FAM83F: variants seen among roughly 807,000 people sequenced by gnomAD.
FAM83F encodes the protein protein FAM83F.
A neutral mutation model predicts 42.9 loss-of-function variants in FAM83F; 45 were observed. That is an observed-to-expected ratio of 1.05 (90% CI 0.83 to 1.35). The LOEUF is 1.35. FAM83F is among the 40% of genes most tolerant of loss of function. The probability of loss-of-function intolerance (pLI) is 0.00; values close to 1 mark genes in which losing one functional copy is unlikely to be tolerated. For missense variants in FAM83F, 617 were observed against 695.9 expected (o/e 0.89, Z 1.28); for synonymous variants, 306 against 298.3 (o/e 1.03, Z -0.27).
chr22:40,019,233 C>T lies in FAM83F; in HGVS notation c.555C>T (p.Ala185=), dbSNP rs757630868. The change falls in exon 2 of 5, where the codon GCC becomes GCT. Residue 185 remains alanine, a synonymous_variant. Coordinates refer to ENST00000333407, the MANE Select transcript of FAM83F (RefSeq NM_138435.4). ...TCTTTCAAGACATTGTGGATGCTGC[C>T]TGTAAGCGCCGGGTCCCAGTGTACA... The part of the protein sequence containing the change: ...GDIFQDIVDA[A]CKRRVPVYII... The T allele has an allele frequency of 6.2e-7, 1 of 1,614,204 alleles. No homozygotes were observed. The highest frequency in any genetic ancestry group is 8.5e-7 in the Non-Finnish European group (1 of 1,180,032).
chr22:40,026,289 G>C (rs2067552107), intron 4 of FAM83F, among the ~76,000 whole-genome samples: 1 of 152,168 alleles, frequency 6.6e-6, no homozygotes, highest in Admixed American at 6.5e-5. Flanking sequence ...TGGAGGCCTA[G>C]GTGGGCAGAT....
chr22:40,005,292 C>T (rs1021520699), intron 1 of FAM83F, among the ~76,000 whole-genome samples: 1 of 152,214 alleles, frequency 6.6e-6, no homozygotes, highest in East Asian at 1.9e-4. Context: ...TCCTAAAAAT[C>T]GCTTGTGTAT....
chr22:40,028,750 A>G (rs1203010906), intron 4 of FAM83F, among the ~76,000 whole-genome samples: 1 of 152,160 alleles, frequency 6.6e-6, no homozygotes, highest in African/African-American at 2.4e-5. Flanking sequence ...TTCCCTCCCT[A>G]CAGGCAGCGC....
In FAM83F at chr22:40,040,740, A is replaced by G. The variant is rs979835196; in HGVS notation, c.*11175A>G. The G allele has an allele frequency of 1.3e-5, 2 of 152,210 alleles. No homozygotes were observed. The highest frequency in any genetic ancestry group is 2.9e-5 in the Non-Finnish European group (2 of 68,050). The allele number at this position is 152,210 out of a possible 1,614,324, so 9.4% of individuals were successfully genotyped here. ...TTGGTCTTTGGCAATGGCTACACCC[A>G]CTGCCCAAGCAAGCAGTATCAGCTG... On this transcript the variant is annotated 3_prime_UTR_variant, in exon 5 of 5. Transcript: ENST00000333407.
At chr22:40,015,905 CCT>C (rs2067490042) in intron 1 of FAM83F, among the ~76,000 whole-genome samples, 1 of 152,168 alleles carries the variant, frequency 6.6e-6, no homozygotes, top group South Asian at 2.1e-4. Flanking sequence ...GTCTTTAGGT[CCT>C]CTCTCTGCCT....
Position 40,007,074 on chromosome 22 carries a change from G to A in FAM83F, c.489+11543G>A, listed in dbSNP as rs571993524. Among the ~76,000 whole-genome samples the A allele has an allele frequency of 3.3e-5, 5 of 152,062 alleles. No individual in the cohort carries two copies. In the East Asian group the frequency reaches 7.8e-4, roughly 24 times the overall value. ...TTGCACAAGGCCTCACAGCCTGCGTGGAATCTGTGGCACTTTCCCCACTGC... is the reference window on the plus strand; with the variant it reads ...TTGCACAAGGCCTCACAGCCTGCGTAGAATCTGTGGCACTTTCCCCACTGC... On this transcript the variant is annotated intron_variant, in intron 1 of 4. Coordinates refer to ENST00000333407, the MANE Select transcript of FAM83F (RefSeq NM_138435.4).
intron 4 of FAM83F, 70 bp from the exon 5 acceptor site, chr22:40,029,446 A>G: frequency 1.0e-5 from 16 of 1,548,570 alleles, no homozygotes; most frequent in Non-Finnish European, 1.4e-5. Context: ...CACACAGGGT[A>G]GGAACTGAAG....
chr22:40,029,441 A>C (rs2067574450), intron 4 of FAM83F, 75 bp from the exon 5 acceptor site: 1 of 1,540,564 alleles, frequency 6.5e-7, no homozygotes, highest in Non-Finnish European at 8.8e-7. Context: ...GACAGCACAC[A>C]GGGTAGGAAC....
chr22:40,039,512 T>G lies in FAM83F; in HGVS notation c.*9947T>G, dbSNP rs774075831. The G allele has an allele frequency of 6.6e-6, 1 of 152,232 alleles. No individual in the cohort carries two copies. Among genetic ancestry groups the G allele is most frequent in the African/African-American group, 2.4e-5 (1 of 41,462 alleles). The allele number at this position is 152,232 out of a possible 1,614,324, so 9.4% of individuals were successfully genotyped here. On this transcript the variant is annotated 3_prime_UTR_variant, in exon 5 of 5. Coordinates refer to ENST00000333407, the MANE Select transcript of FAM83F (RefSeq NM_138435.4). ...AGAAACGAGGAAACTGAAGCTTAGA[T>G]AGTTTGTGTGACTTGCAAAAAGTCA...
rs1351888945 is a variant in FAM83F, at chr22:40,035,688, A to G, written c.*6123A>G. On this transcript the variant is annotated 3_prime_UTR_variant, in exon 5 of 5. Coordinates refer to ENST00000333407, the MANE Select transcript of FAM83F (RefSeq NM_138435.4). ...GCTGAAATCCTATCTCTGCCACCGA[A>G]CAGCTAATGACCCCAGCAAGCAATT... is the stretch of plus-strand genomic sequence containing the variant. The G allele has an allele frequency of 2.0e-5, 3 of 152,274 alleles. No individual in the cohort carries two copies. Among genetic ancestry groups the G allele is most frequent in the African/African-American group, 4.8e-5 (2 of 41,450 alleles). The allele number at this position is 152,274 out of a possible 1,614,324, so 9.4% of individuals were successfully genotyped here.
rs1274982248 is a variant in FAM83F at position 40,019,883 on chromosome 22, A to G, written c.658-4A>G. ...GTGACAGGGCCTTCTGCTCTTCCCA[A>G]CAGAACATCCGTGTCCGCTCTGTGA... On this transcript the variant is annotated splice_polypyrimidine_tract_variant and splice_region_variant and intron_variant, in intron 2 of 4. Coordinates refer to ENST00000333407, the MANE Select transcript of FAM83F (RefSeq NM_138435.4). The G allele has an allele frequency of 1.9e-6, 3 of 1,607,990 alleles. No homozygotes were observed. Among genetic ancestry groups the G allele is most frequent in the South Asian group, 1.1e-5 (1 of 90,208 alleles).
chr22:40,028,954 G>A (rs1389818988), intron 4 of FAM83F, among the ~76,000 whole-genome samples: 1 of 152,224 alleles, frequency 6.6e-6, no homozygotes, highest in Non-Finnish European at 1.5e-5. Flanking sequence ...GGCTCTGGGA[G>A]CTGTGGGCAC....
At position 40,036,699 on chromosome 22, in the gene FAM83F, T is replaced by C. The variant is rs973336155; in HGVS notation, c.*7134T>C. On this transcript the variant is annotated 3_prime_UTR_variant, in exon 5 of 5. Transcript: ENST00000333407. ...TCTTTGGCTTTCACACTAGTGACTATAGCCTGGTGGGACGGGGTCTAGGGG... is the reference window on the plus strand; with the variant it reads ...TCTTTGGCTTTCACACTAGTGACTACAGCCTGGTGGGACGGGGTCTAGGGG... 1 of 152,300 alleles carries C rather than the reference T, an allele frequency of 6.6e-6. No homozygotes were observed. Among genetic ancestry groups the C allele is most frequent in the Non-Finnish European group, 1.5e-5 (1 of 68,126 alleles). 9.4% of individuals were successfully genotyped at this position (152,300 alleles called of 1,614,324 possible).
In FAM83F at chr22:40,033,112, T is replaced by G. The variant is rs2146249296; in HGVS notation, c.*3547T>G. 6.6e-6 allele frequency: 1 copy of G among 152,172 alleles called. No homozygotes were observed. The highest frequency in any genetic ancestry group is 1.9e-4 in the East Asian group (1 of 5,164). 9.4% of individuals were successfully genotyped at this position (152,172 alleles called of 1,614,324 possible). A position where few individuals can be genotyped will look rare whatever the true frequency, so the allele number is the denominator to read the frequency against. On this transcript the variant is annotated 3_prime_UTR_variant, in exon 5 of 5. Transcript: ENST00000333407. ...GTTTTGTTTTTTTTTTGAGACAATG[T>G]CTTGCTCTGTCGATCAGGCTGGAGT...
intron 1 of FAM83F, among the ~76,000 whole-genome samples, chr22:40,006,113 TCC>T: frequency 6.6e-6 from 1 of 152,156 alleles, no homozygotes; most frequent in South Asian, 2.1e-4. Flanking sequence ...GGTGGCATAC[TCC>T]TGTAATCCCA....
At chr22:40,002,108 C>T (rs77403255) in intron 1 of FAM83F, among the ~76,000 whole-genome samples, 2,156 of 152,252 alleles carry the variant, frequency 0.014, 40 homozygotes, top group African/African-American at 0.049. Context: ...CTGGCATGGG[C>T]AGAGAGGGAT....
intron 1 of FAM83F, among the ~76,000 whole-genome samples, chr22:40,006,057 T>A (rs1038406516): frequency 2.6e-5 from 4 of 152,148 alleles, no homozygotes; most frequent in Admixed American, 6.5e-5. Context: ...CTGGCCAACA[T>A]GGCGAAGCCC....
At chr22:40,003,808 C>T (rs755814959) in intron 1 of FAM83F, among the ~76,000 whole-genome samples, 3 of 152,168 alleles carry the variant, frequency 2.0e-5, no homozygotes, top group Non-Finnish European at 4.4e-5. Context: ...GAAACATATG[C>T]ACGCCGGGGC....
intron 4 of FAM83F, among the ~76,000 whole-genome samples, chr22:40,026,608 G>T (rs2067554438): frequency 3.3e-5 from 5 of 152,196 alleles, no homozygotes; most frequent in Admixed American, 3.3e-4. Flanking sequence ...TGTTGTGGGG[G>T]CCGAGAGGAA....
Sources: allele counts gnomAD v4.1 joint callset (sites outside exome capture counted in the v4.1 genomes callset), GRCh38; gene constraint gnomAD v4.1.1; transcripts MANE v1.5; gene names NCBI Gene and HGNC (gene_info 2026-07-23, HGNC 2026-07-21).